ZFHX3: variants seen among roughly 807,000 people sequenced by gnomAD.
The protein encoded by ZFHX3 is zinc finger homeobox 3.
ZFHX3 carries 42 observed loss-of-function variants against 279.1 expected under a neutral mutation model. That is an observed-to-expected ratio of 0.15 (90% confidence interval 0.12 to 0.19). The LOEUF (loss-of-function observed/expected upper bound fraction) is 0.19, where lower values mean the gene tolerates loss of function less well. Ranked by LOEUF, ZFHX3 falls within the 10% of genes least tolerant of loss-of-function variation. The probability of loss-of-function intolerance (pLI) is 1.00; values close to 1 mark genes in which losing one functional copy is unlikely to be tolerated. For missense variants in ZFHX3, 4,981 were observed against 4,754.0 expected (o/e 1.05, Z -1.40); for synonymous variants, 2,293 against 1,957.8 (o/e 1.17, Z -4.52).
intron 7 of ZFHX3, among the ~76,000 whole-genome samples, chr16:73,128,262 G>C (rs757656005): frequency 1.3e-5 from 2 of 152,072 alleles, no homozygotes; most frequent in Non-Finnish European, 2.9e-5. Flanking sequence ...CCCAAATCTT[G>C]TTTTATTTAT....
Position 73,556,386 on chromosome 16 carries a change from A to T in ZFHX3, c.-1546-100128T>A, listed in dbSNP as rs377296132. Among the ~76,000 whole-genome samples, 14 of 152,316 alleles carry T rather than the reference A, an allele frequency of 9.2e-5. No individual in the cohort carries two copies. In the East Asian group the frequency reaches 9.6e-4, roughly 10 times the overall value. ...TCCATATTAACCTTCTTCCCTTCTG[A>T]CAATGGTCAAGTTCTGATTCAAAAT... On this transcript the variant is annotated intron_variant, in intron 2 of 17. Transcript: ENST00000641206.
intron 1 of ZFHX3, among the ~76,000 whole-genome samples, chr16:73,807,305 C>G (rs1164758527): frequency 6.6e-6 from 1 of 152,166 alleles, no homozygotes; most frequent in Non-Finnish European, 1.5e-5. Context: ...CTGATTCTCC[C>G]TCCCTTCTTC....
intron 3 of ZFHX3, among the ~76,000 whole-genome samples, chr16:73,333,713 C>G (rs1260179377): frequency 7.0e-6 from 1 of 143,350 alleles, no homozygotes; most frequent in African/African-American, 2.6e-5. Context: ...AAGGAGAAGG[C>G]AGATGTGAGA....
At chr16:72,800,477 C>A (rs1046784342) in intron 7 of ZFHX3, among the ~76,000 whole-genome samples, 1 of 152,146 alleles carries the variant, frequency 6.6e-6, no homozygotes, top group Non-Finnish European at 1.5e-5. Flanking sequence ...GAAAGGCCCA[C>A]CTTAAGCTGC....
At chr16:72,888,674 T>C (rs1030357272) in intron 4 of ZFHX3, among the ~76,000 whole-genome samples, 1 of 152,006 alleles carries the variant, frequency 6.6e-6, no homozygotes, top group Non-Finnish European at 1.5e-5. Context: ...GGAAGGGAGC[T>C]TCAAGAAAGG....
At chr16:72,964,256 T>C (rs933441080) in intron 1 of ZFHX3, among the ~76,000 whole-genome samples, 3 of 152,260 alleles carry the variant, frequency 2.0e-5, no homozygotes, top group Admixed American at 6.5e-5. Context: ...TTTAAGTTTA[T>C]TCATGAAAAA....
intron 8 of ZFHX3, among the ~76,000 whole-genome samples, chr16:73,070,366 G>A (rs1040111452): frequency 6.6e-6 from 1 of 151,780 alleles, no homozygotes; most frequent in African/African-American, 2.4e-5. Flanking sequence ...GCTATCCCTG[G>A]CCCAAGACAC....
intron 3 of ZFHX3, among the ~76,000 whole-genome samples, chr16:73,360,315 G>A (rs1201761561): frequency 6.6e-6 from 1 of 152,112 alleles, no homozygotes. Flanking sequence ...GCATAAAGCC[G>A]AGATTTGTTT....
Position 73,517,630 on chromosome 16 carries a change from G to C in ZFHX3, c.-1546-61372C>G, listed in dbSNP as rs148269919. Among the ~76,000 whole-genome samples, 95 of 152,350 alleles carry C rather than the reference G, an allele frequency of 6.2e-4. 1 individual carries two copies. Among genetic ancestry groups the C allele is most frequent in the African/African-American group, 1.9e-3 (79 of 41,582 alleles). On this transcript the variant is annotated intron_variant, in intron 2 of 17. Coordinates refer to the ZFHX3 transcript ENST00000641206. ...CTGTAGGAAAAATATTAGAAATGTA[G>C]CAAACATAGTATCTTTCAACTATCC...
chr16:72,941,861 C>T (rs565459923), intron 3 of ZFHX3, among the ~76,000 whole-genome samples: 12 of 152,194 alleles, frequency 7.9e-5, no homozygotes, highest in South Asian at 2.1e-4. Context: ...TTCTACATCC[C>T]GGCTGCTGTA....
intron 3 of ZFHX3, among the ~76,000 whole-genome samples, chr16:73,359,373 G>C (rs2016397889): frequency 6.6e-6 from 1 of 152,130 alleles, no homozygotes; most frequent in Non-Finnish European, 1.5e-5. Context: ...GGCTGGAGTG[G>C]AAGGTGAGTA....
chr16:73,010,408 A>G (rs1884975573), intron 1 of ZFHX3, among the ~76,000 whole-genome samples: 1 of 152,240 alleles, frequency 6.6e-6, no homozygotes, highest in Non-Finnish European at 1.5e-5. Flanking sequence ...ATTCCCTAGC[A>G]AAGGGGAAGT....
At chr16:73,242,032 C>CT (rs1271531306) in intron 5 of ZFHX3, among the ~76,000 whole-genome samples, 1 of 152,110 alleles carries the variant, frequency 6.6e-6, no homozygotes, top group African/African-American at 2.4e-5. Context: ...GTGCTGGGCT[C>CT]TAAGTCCAGC....
chr16:73,151,067 G>A (rs896852286), intron 5 of ZFHX3, among the ~76,000 whole-genome samples: 3 of 152,134 alleles, frequency 2.0e-5, no homozygotes, highest in African/African-American at 7.2e-5. Context: ...CTAAATGAAA[G>A]AAGCCAGTCA....
chr16:73,627,347 C>T (rs566442463), intron 2 of ZFHX3, among the ~76,000 whole-genome samples: 4 of 152,110 alleles, frequency 2.6e-5, no homozygotes, highest in African/African-American at 4.8e-5. Context: ...AGGTGTCAAC[C>T]GGGCCAGATA....
intron 2 of ZFHX3, among the ~76,000 whole-genome samples, chr16:73,604,201 T>C (rs193067544): frequency 1.3e-5 from 2 of 152,318 alleles, no homozygotes; most frequent in African/African-American, 4.8e-5. Flanking sequence ...TGTGCTGGAA[T>C]AGTACCTCTA....
rs148101170 is a variant in ZFHX3, at chr16:73,101,635, C to G, written c.-896-8037G>C. Among the ~76,000 whole-genome samples the G allele has an allele frequency of 4.7e-3, 711 of 152,184 alleles. 6 individuals carry two copies. Among genetic ancestry groups the G allele is most frequent in the Middle Eastern group, 0.01 (3 of 294 alleles). ...CAGGCTGGGCTCGAACTCCTGACAT[C>G]AAGTGATCCGCTCACGTCACCCTCC... On this transcript the variant is annotated intron_variant, in intron 7 of 17. Transcript: ENST00000641206.
In ZFHX3 at chr16:72,795,621, T is replaced by TCCTTGTAACACA; in HGVS notation, c.7049_7060dup (p.Lys2353_Asp2354insValCysTyrLys). 6.2e-7 allele frequency: 1 copy of TCCTTGTAACACA among 1,613,804 alleles called. No homozygotes were observed. Among genetic ancestry groups the TCCTTGTAACACA allele is most frequent in the Non-Finnish European group, 8.5e-7 (1 of 1,179,868 alleles). ...GTCGTCCTGCCCCTCCTCATCCTCA[T>TCCTTGTAACACA]CCTTGTAACACAGCTTCTTCTGGTG... On this transcript the variant is annotated inframe_insertion, in exon 9 of 10. Coordinates refer to ENST00000268489, the MANE Select transcript of ZFHX3 (RefSeq NM_006885.4).
At chr16:73,003,512 A>ACCCCCCCCCCCCCCCC (rs142323888) in intron 1 of ZFHX3, among the ~76,000 whole-genome samples, 1 of 120,738 alleles carries the variant, frequency 8.3e-6, no homozygotes, top group African/African-American at 3.2e-5. Flanking sequence ...ACATGGTGAG[A>ACCCCCCCCCCCCCCCC]CCCCCCCCTC....
Sources: gnomAD v4.1 joint callset for allele counts (sites outside exome capture counted in the v4.1 genomes callset) on GRCh38, gnomAD v4.1.1 for gene constraint, MANE v1.5 for transcripts, NCBI Gene and HGNC (gene_info 2026-07-23, HGNC 2026-07-21) for gene names.